The following PCDH15 variants were observed in gnomAD, a reference collection of about 807,000 sequenced individuals.
PCDH15 encodes the protein protocadherin related 15.
PCDH15 carries 129 observed loss-of-function variants against 178.5 expected under a neutral mutation model. The observed-to-expected ratio is 0.72, with a 90% CI of 0.63 to 0.84. The LOEUF (loss-of-function observed/expected upper bound fraction) is 0.84, where lower values mean the gene tolerates loss of function less well. Among genes scored for constraint, PCDH15 ranks in the 40% least tolerant of loss-of-function variants. PCDH15 has a pLI of 0.00. For missense variants in PCDH15, 2,230 were observed against 2,099.9 expected (o/e 1.06, Z -1.21); for synonymous variants, 800 against 732.0 (o/e 1.09, Z -1.50).
intron 2 of PCDH15, among the ~76,000 whole-genome samples, chr10:55,584,871 T>C (rs1283212107): frequency 1.3e-5 from 2 of 151,506 alleles, no homozygotes; most frequent in African/African-American, 4.8e-5. Flanking sequence ...TATTAGCACA[T>C]AAATTATATG....
At chr10:54,063,163 A>T (rs1368445920) in intron 18 of PCDH15, among the ~76,000 whole-genome samples, 1 of 152,208 alleles carries the variant, frequency 6.6e-6, no homozygotes, top group African/African-American at 2.4e-5. Flanking sequence ...AGTAATTTTT[A>T]TAAAATACAA....
intron 2 of PCDH15, among the ~76,000 whole-genome samples, chr10:55,452,881 G>A (rs929555096): frequency 8.5e-5 from 13 of 152,058 alleles, no homozygotes; most frequent in Non-Finnish European, 7.4e-5. Flanking sequence ...TACCTTCAAA[G>A]AGTATATACT....
At chr10:54,749,844 C>T (rs149212926) in intron 1 of PCDH15, among the ~76,000 whole-genome samples, 128 of 152,240 alleles carry the variant, frequency 8.4e-4, no homozygotes, top group Middle Eastern at 3.4e-3. Flanking sequence ...GTTGACTACT[C>T]AGCCTGCTCT....
intron 2 of PCDH15, among the ~76,000 whole-genome samples, chr10:55,534,862 A>G (rs1474019328): frequency 6.6e-6 from 1 of 152,126 alleles, no homozygotes; most frequent in Non-Finnish European, 1.5e-5. Flanking sequence ...TTACATATGC[A>G]CCATGGACTA....
At chr10:54,648,947 T>C (rs956175458) in intron 2 of PCDH15, among the ~76,000 whole-genome samples, 1 of 152,086 alleles carries the variant, frequency 6.6e-6, no homozygotes, top group African/African-American at 2.4e-5. Flanking sequence ...ATTATCTAAG[T>C]CTAAGCCTTA....
intron 2 of PCDH15, among the ~76,000 whole-genome samples, chr10:55,491,645 C>G (rs1314097166): frequency 6.6e-6 from 1 of 150,680 alleles, no homozygotes; most frequent in East Asian, 2.0e-4. Context: ...CTATTTAGAA[C>G]AGAATTTGAA....
At chr10:53,872,709 A>G (rs1420907360) in intron 26 of PCDH15, among the ~76,000 whole-genome samples, 1 of 152,152 alleles carries the variant, frequency 6.6e-6, no homozygotes, top group Non-Finnish European at 1.5e-5. Context: ...AATCCTTGCT[A>G]TATGTAATAA....
intron 3 of PCDH15, among the ~76,000 whole-genome samples, chr10:54,404,336 G>A (rs908022278): frequency 1.4e-4 from 21 of 151,880 alleles, no homozygotes; most frequent in African/African-American, 4.6e-4. Flanking sequence ...TAGACCAATG[G>A]AATAGAACAG....
intron 2 of PCDH15, among the ~76,000 whole-genome samples, chr10:55,101,179 G>C (rs1842566728): frequency 1.3e-5 from 2 of 151,976 alleles, no homozygotes; most frequent in Non-Finnish European, 2.9e-5. Context: ...AGGAGTTTGA[G>C]ATCAGCCTGG....
At chr10:55,176,255 A>G (rs1176685254) in intron 1 of PCDH15, among the ~76,000 whole-genome samples, 1 of 152,076 alleles carries the variant, frequency 6.6e-6, no homozygotes, top group Non-Finnish European at 1.5e-5. Context: ...CATTAGTTGT[A>G]GTTGGGAAAA....
intron 2 of PCDH15, among the ~76,000 whole-genome samples, chr10:54,626,307 G>C (rs2093548644): frequency 6.6e-6 from 1 of 152,062 alleles, no homozygotes; most frequent in Admixed American, 6.6e-5. Context: ...CACAATAGGG[G>C]AAATGTCTCC....
At chr10:54,175,860 A>G (rs2047379968) in intron 13 of PCDH15, among the ~76,000 whole-genome samples, 1 of 152,194 alleles carries the variant, frequency 6.6e-6, no homozygotes, top group Admixed American at 6.5e-5. Context: ...ATTACCTATG[A>G]TATAGAATAA....
chr10:54,027,946 C>T lies in PCDH15; in HGVS notation c.2221-4749G>A, dbSNP rs914624170. Among the ~76,000 whole-genome samples, 141 of 151,312 alleles carry T rather than the reference C, an allele frequency of 9.3e-4. 2 individuals are homozygous for T. Among genetic ancestry groups the T allele is most frequent in the Non-Finnish European group, 1.6e-3 (111 of 67,824 alleles). ...AAAAGACAAAATTGACAAATGGGAT[C>T]GAATTAAACTCAAGAGCTTCTGCAC... is the stretch of plus-strand genomic sequence containing the variant. On this transcript the variant is annotated intron_variant, in intron 18 of 37. Coordinates refer to ENST00000644397, the MANE Select transcript of PCDH15 (RefSeq NM_001384140.1).
At chr10:54,036,681 T>C (rs1453146743) in intron 18 of PCDH15, among the ~76,000 whole-genome samples, 1 of 151,966 alleles carries the variant, frequency 6.6e-6, no homozygotes, top group Non-Finnish European at 1.5e-5. Flanking sequence ...AGTGTTGTTT[T>C]CTTGCCTGTT....
At chr10:54,714,951 G>A (rs1313714653) in intron 1 of PCDH15, among the ~76,000 whole-genome samples, 1 of 151,910 alleles carries the variant, frequency 6.6e-6, no homozygotes, top group African/African-American at 2.4e-5. Context: ...TCAGTTTTGG[G>A]GTAGAAAGTG....
chr10:55,055,129 G>A (rs1005179089), intron 2 of PCDH15, among the ~76,000 whole-genome samples: 9 of 152,110 alleles, frequency 5.9e-5, no homozygotes, highest in Admixed American at 4.6e-4. Flanking sequence ...GTTGTCTTCC[G>A]CAGTTTTATA....
Position 53,935,756 on chromosome 10 carries a change from G to GT in PCDH15, c.3373+3058dup, listed in dbSNP as rs890574514. 1.8e-4 allele frequency among the ~76,000 whole-genome samples: 28 copies of GT among 151,406 alleles called. No homozygotes were observed. In the East Asian group the frequency reaches 3.3e-3, roughly 18 times the overall value. On this transcript the variant is annotated intron_variant, in intron 25 of 37. Transcript: ENST00000644397. ...ATCAATAATAAAAGGAAAGAATAAA[G>GT]TTTTTTTTTCTTGTTTTTCCTATAG...
At chr10:54,844,429 C>A (rs375778260) in intron 3 of PCDH15, among the ~76,000 whole-genome samples, 1 of 151,890 alleles carries the variant, frequency 6.6e-6, no homozygotes, top group African/African-American at 2.4e-5. Flanking sequence ...TAGGCATATG[C>A]CTTCATAGTG....
chr10:54,348,380 A>G (rs1469613027), intron 5 of PCDH15, among the ~76,000 whole-genome samples: 4 of 152,198 alleles, frequency 2.6e-5, no homozygotes, highest in Non-Finnish European at 5.9e-5. Flanking sequence ...TCGTTTAAGT[A>G]GTACCTATGA....
Sources: allele counts gnomAD v4.1 joint callset (sites outside exome capture counted in the v4.1 genomes callset), GRCh38; gene constraint gnomAD v4.1.1; transcripts MANE v1.5; gene names NCBI Gene and HGNC (gene_info 2026-07-23, HGNC 2026-07-21).